AKAP6: variants seen among roughly 807,000 people sequenced by gnomAD.
The protein encoded by AKAP6 is A-kinase anchor protein 6.
In AKAP6, 58 loss-of-function variants were observed where a neutral mutation model predicts 188.5. The observed-to-expected ratio is 0.31, with a 90% confidence interval of 0.25 to 0.38. The LOEUF (loss-of-function observed/expected upper bound fraction) is 0.38. Among genes scored for constraint, AKAP6 ranks in the 10% least tolerant of loss-of-function variants. The pLI, the probability that AKAP6 is intolerant of heterozygous loss-of-function variation, is 1.00. For missense variants in AKAP6, 2,710 were observed against 2,740.0 expected (o/e 0.99, Z 0.24); for synonymous variants, 989 against 998.6 (o/e 0.99, Z 0.18).
intron 1 of AKAP6, among the ~76,000 whole-genome samples, chr14:32,339,523 A>G (rs1292347814): frequency 6.6e-6 from 1 of 152,174 alleles, no homozygotes; most frequent in Non-Finnish European, 1.5e-5. Context: ...TGAAAGATAC[A>G]TTGATTCTTT....
At position 32,431,806 on chromosome 14, in the gene AKAP6, G is replaced by A. The variant is rs570134714; in HGVS notation, c.-34-1654G>A. Among the ~76,000 whole-genome samples, 13 of 152,300 alleles carry A rather than the reference G, an allele frequency of 8.5e-5. No individual in the cohort carries two copies. The South Asian group carries it at 1.2e-3, about 15-fold the overall frequency. ...TGGGATTACAGGCGTGAGCCACCAC[G>A]TCTGGCCTTCTCCTCACCATTGAAT... On this transcript the variant is annotated intron_variant, in intron 1 of 13. Transcript: ENST00000280979.
intron 5 of AKAP6, among the ~76,000 whole-genome samples, chr14:32,582,495 G>A (rs1423262478): frequency 6.6e-6 from 1 of 151,388 alleles, no homozygotes; most frequent in African/African-American, 2.4e-5. Flanking sequence ...TTCTCGAGGA[G>A]TATGTTTGTG....
rs147743524 is a variant in AKAP6, at chr14:32,669,990, G to A, written c.2731-8321G>A. ...CGGATGCCTGTAATCCCAGCTACTG[G>A]GGAGGCTGAGGCAGGAGAATCGCTT... On this transcript the variant is annotated intron_variant, in intron 7 of 13. Transcript: ENST00000280979. Among the ~76,000 whole-genome samples the A allele has an allele frequency of 3.6e-3, 540 of 152,068 alleles. 5 individuals are homozygous for A. Among genetic ancestry groups the A allele is most frequent in the African/African-American group, 0.013 (521 of 41,502 alleles).
intron 11 of AKAP6, among the ~76,000 whole-genome samples, chr14:32,767,878 C>A (rs1410929556): frequency 1.3e-5 from 2 of 152,180 alleles, no homozygotes; most frequent in African/African-American, 4.8e-5. Flanking sequence ...AAAGCACATT[C>A]ACCTCCCTTA....
At chr14:32,536,150 T>G (rs555495278) in intron 3 of AKAP6, among the ~76,000 whole-genome samples, 1 of 152,374 alleles carries the variant, frequency 6.6e-6, no homozygotes, top group South Asian at 2.1e-4. Flanking sequence ...ACATGGTTTC[T>G]GTCTTCAAGT....
At chr14:32,485,750 C>T (rs1879650613) in intron 2 of AKAP6, among the ~76,000 whole-genome samples, 1 of 152,088 alleles carries the variant, frequency 6.6e-6, no homozygotes, top group Non-Finnish European at 1.5e-5. Flanking sequence ...AAATTTTTCT[C>T]CCATTCTGTA....
chr14:32,729,522 C>CT (rs1354571867), intron 9 of AKAP6, among the ~76,000 whole-genome samples: 1 of 151,882 alleles, frequency 6.6e-6, no homozygotes, highest in African/African-American at 2.4e-5. Context: ...TTTTTAACTC[C>CT]TTTTTTTAAA....
chr14:32,520,424 G>A (rs917120578), intron 2 of AKAP6, among the ~76,000 whole-genome samples: 1 of 152,118 alleles, frequency 6.6e-6, no homozygotes, highest in Non-Finnish European at 1.5e-5. Flanking sequence ...TTTTTGAAAA[G>A]ATCAACAAAG....
rs1378734321 is a variant in AKAP6 at position 32,818,564 on chromosome 14, G to A, written c.3589-2838G>A. On this transcript the variant is annotated intron_variant, in intron 12 of 13. Transcript: ENST00000280979. ...TACAAATATATTTGATCTGCAGTTG[G>A]TTGAATTCATGAATTTGGAACCCAT... Among the ~76,000 whole-genome samples, 3 of 151,864 alleles carry A rather than the reference G, an allele frequency of 2.0e-5. No individual in the cohort carries two copies. The East Asian group carries it at 5.8e-4, about 29-fold the overall frequency.
chr14:32,584,123 C>T (rs1885117954), intron 5 of AKAP6, among the ~76,000 whole-genome samples: 1 of 152,230 alleles, frequency 6.6e-6, no homozygotes, highest in Admixed American at 6.5e-5. Context: ...ATCTTGGCTG[C>T]TACCCAAATT....
intron 8 of AKAP6, among the ~76,000 whole-genome samples, chr14:32,694,157 C>T (rs773923874): frequency 2.6e-5 from 4 of 151,880 alleles, no homozygotes; most frequent in Admixed American, 6.6e-5. Flanking sequence ...GTCAGGAGAT[C>T]GACACCATCC....
intron 7 of AKAP6, among the ~76,000 whole-genome samples, chr14:32,640,835 A>G (rs1416457453): frequency 6.6e-6 from 1 of 152,236 alleles, no homozygotes; most frequent in East Asian, 1.9e-4. Context: ...ATAGTAGCAT[A>G]GGACTCTGTT....
intron 1 of AKAP6, among the ~76,000 whole-genome samples, chr14:32,380,076 G>A (rs894607406): frequency 5.9e-5 from 9 of 152,168 alleles, no homozygotes; most frequent in Non-Finnish European, 1.3e-4. Context: ...GTCATTCTCA[G>A]ACTGAAGAAA....
intron 12 of AKAP6, among the ~76,000 whole-genome samples, chr14:32,780,056 C>G (rs2033192616): frequency 6.6e-6 from 1 of 151,124 alleles, no homozygotes; most frequent in Non-Finnish European, 1.5e-5. Context: ...ATAAGGATGT[C>G]TTTAGTCACA....
At chr14:32,511,230 A>G (rs1168197380) in intron 2 of AKAP6, among the ~76,000 whole-genome samples, 1 of 152,238 alleles carries the variant, frequency 6.6e-6, no homozygotes, top group Non-Finnish European at 1.5e-5. Flanking sequence ...CTGTACATCT[A>G]GCTTTCTCTG....
At chr14:32,403,512 C>G (rs1259075067) in intron 1 of AKAP6, 1 of 152,216 alleles carries the variant, frequency 6.6e-6, no homozygotes, top group Non-Finnish European at 1.5e-5. Context: ...GACAGTATAT[C>G]ATGGTAGTTA....
intron 11 of AKAP6, among the ~76,000 whole-genome samples, chr14:32,736,784 T>C (rs2031446940): frequency 7.5e-6 from 1 of 134,014 alleles, no homozygotes; most frequent in African/African-American, 2.5e-5. Context: ...CATCCAGTAA[T>C]CCGTCAGAAA....
At position 32,562,334 on chromosome 14, in the gene AKAP6, T is replaced by C. The variant is rs560175065; in HGVS notation, c.2347-14786T>C. On this transcript the variant is annotated intron_variant, in intron 4 of 13. Coordinates refer to ENST00000280979, the MANE Select transcript of AKAP6 (RefSeq NM_004274.5). ...TGTGTGGGTGGGGAGGGAGTCATAA[T>C]TGGAGATCTAATACTCTTTTTTCTT... Among the ~76,000 whole-genome samples the C allele has an allele frequency of 9.5e-4, 144 of 152,298 alleles. 1 individual carries two copies. Among genetic ancestry groups the C allele is most frequent in the African/African-American group, 2.5e-3 (103 of 41,560 alleles).
In AKAP6 at chr14:32,600,917, C is replaced by A. The variant is rs184740834; in HGVS notation, c.2730+125C>A. 1.5e-3 allele frequency: 1,182 copies of A among 784,694 alleles called. 18 individuals are homozygous for A. The East Asian group carries it at 0.027, about 18-fold the overall frequency. The allele number at this position is 784,694 out of a possible 1,614,324, so 48.6% of individuals were successfully genotyped here. A position where few individuals can be genotyped will look rare whatever the true frequency, so the allele number is the denominator to read the frequency against. ...TACTGGGTAAACTTTATATCTCTCT[C>A]TATATATATATAAACAAAATGAAAT... On this transcript the variant is annotated intron_variant, in intron 7 of 13. Coordinates refer to ENST00000280979, the MANE Select transcript of AKAP6 (RefSeq NM_004274.5).
Sources: allele counts gnomAD v4.1 joint callset (sites outside exome capture counted in the v4.1 genomes callset), GRCh38; gene constraint gnomAD v4.1.1; transcripts MANE v1.5; gene names NCBI Gene and HGNC (gene_info 2026-07-23, HGNC 2026-07-21).